The following PTOV1 variants were observed in gnomAD, a reference collection of about 807,000 sequenced individuals.
The protein encoded by PTOV1 is PTOV1 extended AT-hook containing adaptor protein.
A neutral mutation model predicts 58.0 loss-of-function variants in PTOV1; 20 were observed. The observed-to-expected ratio is 0.34, with a 90% CI of 0.24 to 0.50. The LOEUF is 0.50. Among genes scored for constraint, PTOV1 ranks in the 20% least tolerant of loss-of-function variants. The pLI is 0.98. For missense variants in PTOV1, 593 were observed against 565.4 expected (o/e 1.05, Z -0.50); for synonymous variants, 335 against 234.2 (o/e 1.43, Z -3.93).
intron 10 of PTOV1, chr19:49,858,880 C>A: frequency 1.9e-6 from 1 of 516,500 alleles, no homozygotes; most frequent in South Asian, 2.7e-5. Flanking sequence ...TCTGCCACAT[C>A]AGGGCTGACT....
exon 1 of PTOV1, chr19:49,851,221 C>A: frequency 8.6e-7 from 1 of 1,159,850 alleles, no homozygotes; most frequent in Non-Finnish European, 1.1e-6. Flanking sequence ...ACGGCTCAGC[C>A]CGTCTCCCCC....
chr19:49,852,084 A>G, intron 1 of PTOV1: 2 of 985,232 alleles, frequency 2.0e-6, no homozygotes, highest in Non-Finnish European at 2.4e-6. Context: ...TGGGCTGCAC[A>G]CGCTTCTCCG....
upstream of PTOV1, chr19:49,851,107 G>A (rs1030704333): frequency 5.8e-6 from 8 of 1,370,746 alleles, no homozygotes; most frequent in South Asian, 1.7e-5. Flanking sequence ...GTACGCTCCG[G>A]CCACGCCCCC....
chr19:49,851,173 G>A (rs2074226202), exon 1 of PTOV1: 15 of 1,237,088 alleles, frequency 1.2e-5, no homozygotes, highest in African/African-American at 1.6e-5. Context: ...GTTCGGCCGC[G>A]GCGACCCCAC....
At chr19:49,851,644 C>G in intron 1 of PTOV1, 145 bp downstream of exon 1, 1 of 1,108,358 alleles carries the variant, frequency 9.0e-7, no homozygotes, top group Non-Finnish European at 1.1e-6. Context: ...GCCGGGTTCC[C>G]CCGTGGAGCA....
intron 10 of PTOV1, chr19:49,859,123 T>C (rs1020643119): frequency 2.6e-5 from 4 of 155,230 alleles, no homozygotes; most frequent in African/African-American, 7.2e-5. Context: ...GGTTGGACTT[T>C]GGTGTTTCTG....
Position 49,853,787 on chromosome 19 carries a change from C to T in PTOV1, c.172-619C>T, listed in dbSNP as rs572622385. Among the ~76,000 whole-genome samples the T allele has an allele frequency of 7.9e-5, 12 of 152,336 alleles. No individual in the cohort carries two copies. In the East Asian group the frequency reaches 1.5e-3, roughly 20 times the overall value. ...TCCAAATGTTTCCCCCTTTTCCTCG[C>T]TGTCTTTCTCCTGGATGGTTTAGTC... is the stretch of plus-strand genomic sequence containing the variant. On this transcript the variant is annotated intron_variant, in intron 1 of 11. Transcript: ENST00000391842.
chr19:49,858,409 G>C, intron 9 of PTOV1, 140 bp from the exon 10 acceptor site: 1 of 727,888 alleles, frequency 1.4e-6, no homozygotes, highest in Non-Finnish European at 2.3e-6. Flanking sequence ...GGCTGGTTGA[G>C]CGGTGGAGAT....
rs375393754 is a variant in PTOV1, at chr19:49,853,675, T to A, written c.172-731T>A. On this transcript the variant is annotated intron_variant, in intron 1 of 11. Coordinates refer to ENST00000391842, the Ensembl canonical transcript of PTOV1. Reference sequence around the variant, plus strand: ...TGCCTGTGAGTAGCATTTGTGGCGTTGCTTGGCTTTATTGCTAGAACTTTC... The same window carrying A: ...TGCCTGTGAGTAGCATTTGTGGCGTAGCTTGGCTTTATTGCTAGAACTTTC... Among the ~76,000 whole-genome samples the A allele has an allele frequency of 2.6e-5, 4 of 152,250 alleles. No individual in the cohort carries two copies. The East Asian group carries it at 7.7e-4, about 29-fold the overall frequency.
intron 6 of PTOV1, 150 bp downstream of exon 6, chr19:49,857,280 C>CA: frequency 8.8e-7 from 1 of 1,131,932 alleles, no homozygotes; most frequent in South Asian, 1.5e-5. Context: ...GGGCGGGTTC[C>CA]CACCAGGGCT....
chr19:49,858,703 G>C, intron 10 of PTOV1, 50 bp downstream of exon 10: 1 of 1,447,910 alleles, frequency 6.9e-7, no homozygotes, highest in South Asian at 1.2e-5. Flanking sequence ...GGCAGAGCGA[G>C]CCCGGACCGC....
chr19:49,851,761 C>A (rs979778608), intron 1 of PTOV1: 5 of 1,086,582 alleles, frequency 4.6e-6, no homozygotes, highest in Non-Finnish European at 5.6e-6. Context: ...CTCCGCGGCC[C>A]GATTTAAACG....
At chr19:49,851,626 C>T (rs904882944) in intron 1 of PTOV1, 127 bp downstream of exon 1, 1 of 1,060,204 alleles carries the variant, frequency 9.4e-7, no homozygotes, top group Non-Finnish European at 1.2e-6. Flanking sequence ...AGGGTGGTCC[C>T]GCCCGGGGCC....
At chr19:49,857,780 G>A (rs2074544193) in exon 7 of PTOV1, 1 of 1,614,030 alleles carries the variant, frequency 6.2e-7, no homozygotes, top group African/African-American at 1.3e-5. Context: ...GGAGTGGCAG[G>A]AGGTGAGCAC....
At chr19:49,851,430 G>C (rs2074241648) in exon 1 of PTOV1, 4 of 1,214,654 alleles carry the variant, frequency 3.3e-6, no homozygotes, top group Non-Finnish European at 4.1e-6. Flanking sequence ...CCGTCCGCTC[G>C]CGCTCCTGGC....
At chr19:49,857,123 G>T in exon 6 of PTOV1, 2 of 1,614,008 alleles carry the variant, frequency 1.2e-6, no homozygotes, top group Non-Finnish European at 1.7e-6. Context: ...ATCACCACCC[G>T]CAAGCAGGTG....
exon 5 of PTOV1, chr19:49,855,010 A>C: frequency 6.2e-7 from 1 of 1,601,130 alleles, no homozygotes. Context: ...CAGTTGGCAC[A>C]GTTCCACTTC....
At chr19:49,860,367 GACCCTGGGGCATGT>G in exon 12 of PTOV1, 1 of 535,130 alleles carries the variant, frequency 1.9e-6, no homozygotes, top group Non-Finnish European at 3.4e-6. Context: ...GTACAGGAGG[GACCCTGGGGCATGT>G]GGGGGGGGTG....
Position 49,851,194 on chromosome 19 carries a change from C to A in PTOV1, c.-135C>A, listed in dbSNP as rs1170084022. The A allele has an allele frequency of 3.3e-6, 4 of 1,213,018 alleles. No homozygotes were observed. In the African/African-American group the frequency reaches 6.4e-5, roughly 19 times the overall value. The allele number at this position is 1,213,018 out of a possible 1,614,324, so 75.1% of individuals were successfully genotyped here. On this transcript the variant is annotated 5_prime_UTR_variant, in exon 1 of 12. Transcript: ENST00000391842. Reference sequence around the variant, plus strand: ...CCGCGGCGACCCCACTCCGGCGGCGCGTCCCCCGAGCTTGGTACGGCTCAG... The same window carrying A: ...CCGCGGCGACCCCACTCCGGCGGCGAGTCCCCCGAGCTTGGTACGGCTCAG...
Sources: gnomAD v4.1 joint callset for allele counts (sites outside exome capture counted in the v4.1 genomes callset) on GRCh38, gnomAD v4.1.1 for gene constraint, MANE v1.5 for transcripts, NCBI Gene and HGNC (gene_info 2026-07-23, HGNC 2026-07-21) for gene names.